Variants in CMTM8 observed in about 807,000 individuals in gnomAD.
The protein encoded by CMTM8 is CKLF like MARVEL transmembrane domain containing 8.
CMTM8 carries 12 observed loss-of-function variants against 18.6 expected under a neutral mutation model. That is an observed-to-expected ratio of 0.65 (90% CI 0.41 to 1.05). The LOEUF (loss-of-function observed/expected upper bound fraction) is 1.05. Ranked by LOEUF, CMTM8 falls within the 50% of genes least tolerant of loss-of-function variation. The pLI is 0.00. For synonymous variants in CMTM8, 87 were observed against 90.6 expected (o/e 0.96, Z 0.23); for missense variants, 217 against 227.2 (o/e 0.95, Z 0.29).
chr3:32,254,293 ATAATTG>A lies in CMTM8; in HGVS notation c.147+15175_147+15180del, dbSNP rs1575146621. Among the ~76,000 whole-genome samples, 4 of 152,348 alleles carry A rather than the reference ATAATTG, an allele frequency of 2.6e-5. No individual in the cohort carries two copies. In the East Asian group the frequency reaches 7.7e-4, roughly 29 times the overall value. ...GCATTTACTACATTTACAATGTTGT[ATAATTG>A]CCACTTCTAATTCCAAAACACTTCA... On this transcript the variant is annotated intron_variant, in intron 1 of 3. Coordinates refer to ENST00000307526, the MANE Select transcript of CMTM8 (RefSeq NM_178868.5).
At chr3:32,316,177 G>A (rs572029836) in intron 1 of CMTM8, among the ~76,000 whole-genome samples, 66 of 151,858 alleles carry the variant, frequency 4.3e-4, no homozygotes, top group African/African-American at 1.5e-3. Context: ...ACAGGCGCCC[G>A]CCACCAAGCC....
chr3:32,297,975 G>A (rs1021557559), intron 1 of CMTM8, among the ~76,000 whole-genome samples: 1 of 151,706 alleles, frequency 6.6e-6, no homozygotes, highest in Middle Eastern at 3.2e-3. Flanking sequence ...AGTCTGGCTT[G>A]TGTTCTTCAA....
At chr3:32,346,740 T>G (rs140551665) in intron 1 of CMTM8, among the ~76,000 whole-genome samples, 1 of 152,122 alleles carries the variant, frequency 6.6e-6, no homozygotes, top group African/African-American at 2.4e-5. Flanking sequence ...GTTCAACATA[T>G]GGATTTGGGA....
chr3:32,350,415 C>T (rs1349146447), intron 1 of CMTM8, among the ~76,000 whole-genome samples: 4 of 145,384 alleles, frequency 2.8e-5, no homozygotes, highest in South Asian at 2.2e-4. Context: ...TGGAGTGCAA[C>T]GGCATGATCT....
chr3:32,332,013 A>C (rs1453692763), intron 1 of CMTM8, among the ~76,000 whole-genome samples: 1 of 151,452 alleles, frequency 6.6e-6, no homozygotes, highest in Non-Finnish European at 1.5e-5. Flanking sequence ...AAGGTATTAA[A>C]TGTTACGTTC....
intron 1 of CMTM8, among the ~76,000 whole-genome samples, chr3:32,271,556 C>A (rs1702439252): frequency 6.6e-6 from 1 of 152,130 alleles, no homozygotes; most frequent in Non-Finnish European, 1.5e-5. Context: ...GTGTTTTTTC[C>A]ATATTGACAT....
intron 1 of CMTM8, among the ~76,000 whole-genome samples, chr3:32,313,987 C>G (rs1189289509): frequency 6.6e-6 from 1 of 152,016 alleles, no homozygotes; most frequent in African/African-American, 2.4e-5. Flanking sequence ...GAGCGAGACC[C>G]TGTCTCAGAA....
chr3:32,359,396 C>T (rs1231869159), intron 2 of CMTM8, among the ~76,000 whole-genome samples: 1 of 152,150 alleles, frequency 6.6e-6, no homozygotes, highest in African/African-American at 2.4e-5. Context: ...TTGAGACCAG[C>T]CTGGCCAACA....
chr3:32,295,924 T>A (rs1419779404), intron 1 of CMTM8, among the ~76,000 whole-genome samples: 1 of 152,180 alleles, frequency 6.6e-6, no homozygotes, highest in Non-Finnish European at 1.5e-5. Context: ...TCATCTCTGC[T>A]TTATTCTACC....
At chr3:32,266,557 C>G (rs962213978) in intron 1 of CMTM8, among the ~76,000 whole-genome samples, 19 of 152,270 alleles carry the variant, frequency 1.2e-4, no homozygotes, top group African/African-American at 4.6e-4. Flanking sequence ...ACAGGGATGC[C>G]CTCTCTCACC....
chr3:32,327,159 G>A (rs554654771), intron 1 of CMTM8, among the ~76,000 whole-genome samples: 1 of 151,972 alleles, frequency 6.6e-6, no homozygotes, highest in East Asian at 1.9e-4. Flanking sequence ...CTGTAAACAG[G>A]TATAATCCAG....
chr3:32,338,723 G>A (rs1696436181), intron 1 of CMTM8, among the ~76,000 whole-genome samples: 1 of 152,170 alleles, frequency 6.6e-6, no homozygotes, highest in Non-Finnish European at 1.5e-5. Flanking sequence ...CTAATTCTGT[G>A]TAACAAATTA....
chr3:32,344,412 G>A (rs1038995337), intron 1 of CMTM8, among the ~76,000 whole-genome samples: 4 of 152,192 alleles, frequency 2.6e-5, no homozygotes, highest in Admixed American at 2.0e-4. Flanking sequence ...CTATAGCAAT[G>A]TAGCATTTCC....
intron 1 of CMTM8, among the ~76,000 whole-genome samples, chr3:32,263,497 G>A (rs573515256): frequency 2.0e-5 from 3 of 152,130 alleles, no homozygotes; most frequent in Admixed American, 6.5e-5. Flanking sequence ...ACAAAGATGG[G>A]GAAAAAAACG....
intron 1 of CMTM8, among the ~76,000 whole-genome samples, chr3:32,347,616 T>C (rs1441740172): frequency 6.6e-6 from 1 of 152,190 alleles, no homozygotes; most frequent in East Asian, 1.9e-4. Context: ...TGCCTCTCAG[T>C]GAAGTTTCCC....
chr3:32,248,509 C>G (rs1218103577), intron 1 of CMTM8, among the ~76,000 whole-genome samples: 3 of 151,872 alleles, frequency 2.0e-5, no homozygotes, highest in Non-Finnish European at 4.4e-5. Flanking sequence ...TTACAGGCAC[C>G]CGCCACCACA....
At chr3:32,254,721 A>G (rs546115393) in intron 1 of CMTM8, among the ~76,000 whole-genome samples, 53 of 152,164 alleles carry the variant, frequency 3.5e-4, no homozygotes, top group Non-Finnish European at 4.0e-4. Context: ...TCTGGATTAA[A>G]AAAAAAATGA....
At chr3:32,262,192 C>T (rs934674256) in intron 1 of CMTM8, among the ~76,000 whole-genome samples, 6 of 152,062 alleles carry the variant, frequency 3.9e-5, no homozygotes, top group Admixed American at 6.6e-5. Flanking sequence ...CACCACGAAG[C>T]GAGGAATGGG....
intron 1 of CMTM8, among the ~76,000 whole-genome samples, chr3:32,352,323 G>A (rs1277846734): frequency 6.6e-6 from 1 of 152,136 alleles, no homozygotes; most frequent in Non-Finnish European, 1.5e-5. Context: ...GAAGAAAAAT[G>A]CAAATTAAAG....
Sources: allele counts gnomAD v4.1 joint callset (sites outside exome capture counted in the v4.1 genomes callset), GRCh38; gene constraint gnomAD v4.1.1; transcripts MANE v1.5; gene names NCBI Gene and HGNC (gene_info 2026-07-23, HGNC 2026-07-21).